ASTN2: variants seen among roughly 807,000 people sequenced by gnomAD.
ASTN2 encodes the protein astrotactin 2.
Under a neutral mutation model 139.8 loss-of-function variants are expected in ASTN2, and 54 were observed. The observed-to-expected ratio is 0.39, with a 90% confidence interval of 0.31 to 0.48. The LOEUF is 0.48. ASTN2 is among the 20% of genes least tolerant of loss of function. The pLI is 0.95. For missense variants in ASTN2, 1,565 were observed against 1,725.1 expected (o/e 0.91, Z 1.64); for synonymous variants, 756 against 719.5 (o/e 1.05, Z -0.81).
At chr9:117,045,975 T>TACGTACGTACGTACGTAC (rs1564399754) in intron 5 of ASTN2, among the ~76,000 whole-genome samples, 1 of 102,022 alleles carries the variant, frequency 9.8e-6, no homozygotes, top group African/African-American at 3.8e-5. Flanking sequence ...TATGTATGTA[T>TACGTACGTACGTACGTAC]GTATGTACGT....
chr9:117,193,765 T>A (rs10818008), intron 3 of ASTN2, among the ~76,000 whole-genome samples: 1 of 151,994 alleles, frequency 6.6e-6, no homozygotes, highest in Non-Finnish European at 1.5e-5. Context: ...TTGCTTTTGT[T>A]AAAACAATTC....
At chr9:117,181,114 A>G in intron 3 of ASTN2, 3 of 901,150 alleles carry the variant, frequency 3.3e-6, no homozygotes, top group Non-Finnish European at 5.5e-6. Context: ...AACAGGCTGC[A>G]TACACTACCA....
intron 11 of ASTN2, among the ~76,000 whole-genome samples, chr9:116,839,674 A>G (rs1832131992): frequency 6.6e-6 from 1 of 150,712 alleles, no homozygotes. Context: ...TTTTGTATAT[A>G]TATATTTTTT....
At chr9:117,222,269 G>A (rs1281345994) in intron 2 of ASTN2, among the ~76,000 whole-genome samples, 4 of 152,148 alleles carry the variant, frequency 2.6e-5, no homozygotes, top group Admixed American at 6.6e-5. Flanking sequence ...TGTCTCGAAC[G>A]TATGCTTTTG....
chr9:116,616,197 C>A (rs1254686723), intron 19 of ASTN2, among the ~76,000 whole-genome samples: 1 of 152,178 alleles, frequency 6.6e-6, no homozygotes, highest in African/African-American at 2.4e-5. Context: ...ACAGTGGAGG[C>A]ATGTAATCAG....
intron 19 of ASTN2, among the ~76,000 whole-genome samples, chr9:116,492,141 G>A (rs1296534349): frequency 6.6e-6 from 1 of 151,498 alleles, no homozygotes; most frequent in Non-Finnish European, 1.5e-5. Flanking sequence ...GAGTGCAGTG[G>A]CATGATCTCA....
intron 3 of ASTN2, among the ~76,000 whole-genome samples, chr9:117,190,677 C>T (rs1831321549): frequency 6.6e-6 from 1 of 152,050 alleles, no homozygotes; most frequent in Non-Finnish European, 1.5e-5. Flanking sequence ...CCTGCTGTTC[C>T]CTCTGCCCAA....
chr9:116,943,671 T>C (rs1835299624), intron 10 of ASTN2, among the ~76,000 whole-genome samples: 1 of 152,142 alleles, frequency 6.6e-6, no homozygotes, highest in South Asian at 2.1e-4. Flanking sequence ...CAACATAAAA[T>C]CCCTATCTTT....
At chr9:116,660,168 GCACACACA>G (rs3041004) in intron 16 of ASTN2, among the ~76,000 whole-genome samples, 7,543 of 146,648 alleles carry the variant, frequency 0.051, 637 homozygotes, top group African/African-American at 0.18. Context: ...TATTGCAAGC[GCACACACA>G]CACACACACA....
chr9:116,541,176 T>C (rs557442482), intron 19 of ASTN2, among the ~76,000 whole-genome samples: 1 of 152,326 alleles, frequency 6.6e-6, no homozygotes, highest in South Asian at 2.1e-4. Context: ...TTTTCTATCA[T>C]AAAATTAATT....
intron 20 of ASTN2, among the ~76,000 whole-genome samples, chr9:116,482,847 G>A (rs1045923249): frequency 2.0e-5 from 3 of 152,210 alleles, no homozygotes; most frequent in African/African-American, 7.2e-5. Context: ...AGCCAGGGAG[G>A]TGAGGGCGGG....
At chr9:116,825,861 C>G (rs2132276820) in intron 11 of ASTN2, among the ~76,000 whole-genome samples, 1 of 152,338 alleles carries the variant, frequency 6.6e-6, no homozygotes, top group South Asian at 2.1e-4. Context: ...GGAGTAGACA[C>G]AGCTGGGCAC....
intron 19 of ASTN2, among the ~76,000 whole-genome samples, chr9:116,538,806 C>T (rs1288179302): frequency 6.6e-6 from 1 of 152,068 alleles, no homozygotes; most frequent in Non-Finnish European, 1.5e-5. Flanking sequence ...GGCTGTCATT[C>T]CTGGTGGTCC....
chr9:116,977,026 G>A (rs1836359389), intron 7 of ASTN2, among the ~76,000 whole-genome samples: 2 of 152,132 alleles, frequency 1.3e-5, no homozygotes, highest in Non-Finnish European at 2.9e-5. Context: ...GCTCAGCACT[G>A]GAGATACAGA....
At chr9:116,771,406 A>G (rs901429200) in intron 13 of ASTN2, among the ~76,000 whole-genome samples, 1 of 152,188 alleles carries the variant, frequency 6.6e-6, no homozygotes, top group African/African-American at 2.4e-5. Context: ...CATAAAGCAC[A>G]TGGCACATAA....
intron 16 of ASTN2, among the ~76,000 whole-genome samples, chr9:116,725,441 C>T (rs1177034984): frequency 6.6e-6 from 1 of 152,020 alleles, no homozygotes; most frequent in East Asian, 1.9e-4. Context: ...CACTTGCTGA[C>T]CCCCAACCTG....
intron 1 of ASTN2, among the ~76,000 whole-genome samples, chr9:117,358,247 T>C (rs1274443542): frequency 7.1e-6 from 1 of 141,678 alleles, no homozygotes; most frequent in Non-Finnish European, 1.5e-5. Context: ...GTAATACATA[T>C]GCATACATGT....
At chr9:116,774,995 C>T (rs577260497) in intron 13 of ASTN2, among the ~76,000 whole-genome samples, 6 of 152,238 alleles carry the variant, frequency 3.9e-5, no homozygotes, top group East Asian at 1.9e-4. Context: ...TCAGTGCCTG[C>T]GTCATTAGCT....
intron 20 of ASTN2, among the ~76,000 whole-genome samples, chr9:116,454,004 A>G (rs1216407403): frequency 6.6e-6 from 1 of 152,316 alleles, no homozygotes; most frequent in South Asian, 2.1e-4. Context: ...TGCCCCATGG[A>G]CTTTGCTTTC....
Sources: allele counts gnomAD v4.1 joint callset (sites outside exome capture counted in the v4.1 genomes callset), GRCh38; gene constraint gnomAD v4.1.1; transcripts MANE v1.5; gene names NCBI Gene and HGNC (gene_info 2026-07-23, HGNC 2026-07-21).